Variants in TEKT5 observed in about 807,000 individuals in gnomAD.
TEKT5 encodes tektin 5, also known as tektin-5.
In TEKT5, 52 loss-of-function variants were observed where a neutral mutation model predicts 48.7. That is an observed-to-expected ratio of 1.07 (90% CI 0.86 to 1.35). The LOEUF is 1.35. TEKT5 is among the 40% of genes most tolerant of loss of function. TEKT5 has a pLI of 0.00. For synonymous variants in TEKT5, 318 were observed against 267.6 expected (o/e 1.19, Z -1.84); for missense variants, 831 against 641.6 (o/e 1.30, Z -3.19).
intron 5 of TEKT5, among the ~76,000 whole-genome samples, chr16:10,642,860 A>G (rs1328923998): frequency 6.6e-6 from 1 of 152,124 alleles, no homozygotes; most frequent in African/African-American, 2.4e-5. Context: ...GGGGATAGAG[A>G]GTGAGTTCTT....
intron 5 of TEKT5, among the ~76,000 whole-genome samples, chr16:10,639,220 C>A (rs1171483541): frequency 2.6e-5 from 4 of 152,104 alleles, no homozygotes; most frequent in Admixed American, 2.6e-4. Context: ...GGATGGAGAA[C>A]TGTTTGAGCC....
chr16:10,677,517 G>A (rs1426341909), intron 4 of TEKT5, among the ~76,000 whole-genome samples: 1 of 146,678 alleles, frequency 6.8e-6, no homozygotes, highest in African/African-American at 2.7e-5. Flanking sequence ...GGCTGAGGCA[G>A]GAGAATCACT....
chr16:10,689,167 G>A, intron 3 of TEKT5, 86 bp downstream of exon 3: 1 of 1,037,508 alleles, frequency 9.6e-7, no homozygotes, highest in Non-Finnish European at 1.4e-6. Flanking sequence ...AGAGACAAGT[G>A]GGCCCATCTG....
intron 5 of TEKT5, among the ~76,000 whole-genome samples, chr16:10,645,305 T>A (rs1253075646): frequency 6.6e-6 from 1 of 151,434 alleles, no homozygotes; most frequent in Non-Finnish European, 1.5e-5. Context: ...AGCCCAGGAG[T>A]TCGAGACCAG....
chr16:10,636,213 A>G (rs1567224390), intron 5 of TEKT5, among the ~76,000 whole-genome samples: 1 of 152,032 alleles, frequency 6.6e-6, no homozygotes. Context: ...CGTCTCTACT[A>G]AAAAAACAAA....
intron 5 of TEKT5, among the ~76,000 whole-genome samples, chr16:10,674,998 C>G (rs7184494): frequency 0.45 from 68,382 of 151,608 alleles, 17,526 homozygotes; most frequent in East Asian, 0.81. Context: ...CTAATTTTTT[C>G]TATTTTTAGT....
chr16:10,634,040 G>A (rs374194810), intron 6 of TEKT5, among the ~76,000 whole-genome samples: 1 of 152,138 alleles, frequency 6.6e-6, no homozygotes, highest in Admixed American at 6.5e-5. Context: ...ATCTAGCAGT[G>A]GGGTCTCCAC....
At chr16:10,654,502 T>C (rs1596406930) in intron 5 of TEKT5, among the ~76,000 whole-genome samples, 1 of 152,308 alleles carries the variant, frequency 6.6e-6, no homozygotes, top group East Asian at 1.9e-4. Context: ...ATTGATGAAC[T>C]CTGCGGTCAT....
At chr16:10,658,255 T>G (rs1043040677) in intron 5 of TEKT5, among the ~76,000 whole-genome samples, 1 of 152,150 alleles carries the variant, frequency 6.6e-6, no homozygotes, top group Non-Finnish European at 1.5e-5. Context: ...AGCCAGGGAT[T>G]CCGTTCCTGG....
Position 10,669,402 on chromosome 16 carries a change from T to C in TEKT5, c.1086+6557A>G, listed in dbSNP as rs61609059. On this transcript the variant is annotated intron_variant, in intron 5 of 6. Coordinates refer to ENST00000283025, the MANE Select transcript of TEKT5 (RefSeq NM_144674.2). ...TGAACCTGGCAGGCGGAGGTTGCAG[T>C]GAGCCGAGATCGTGCCACTGCACTC... Among the ~76,000 whole-genome samples, 607 of 152,108 alleles carry C rather than the reference T, an allele frequency of 4.0e-3. 3 individuals are homozygous for C. The highest frequency in any genetic ancestry group is 0.014 in the African/African-American group (574 of 41,498).
chr16:10,662,713 G>T (rs1898394351), intron 5 of TEKT5, among the ~76,000 whole-genome samples: 1 of 152,190 alleles, frequency 6.6e-6, no homozygotes, highest in Non-Finnish European at 1.5e-5. Flanking sequence ...CCAGCCAGTT[G>T]CACCCATGAC....
chr16:10,690,968 G>C (rs1456510534), intron 1 of TEKT5, among the ~76,000 whole-genome samples: 1 of 152,166 alleles, frequency 6.6e-6, no homozygotes, highest in East Asian at 1.9e-4. Context: ...TGAGGTGCTG[G>C]GGATAGCACA....
chr16:10,666,065 T>A (rs1021720617), intron 5 of TEKT5, among the ~76,000 whole-genome samples: 1 of 152,130 alleles, frequency 6.6e-6, no homozygotes, highest in Non-Finnish European at 1.5e-5. Flanking sequence ...TGGTGACACC[T>A]TGTCTCTACT....
At position 10,627,707 on chromosome 16, in the gene TEKT5, A is replaced by G. The variant is rs1342732516; in HGVS notation, c.1334T>C (p.Met445Thr). Residue 445 changes from methionine to threonine, a missense_variant, in exon 7 of 7, where the codon ATG (methionine) becomes ACG (threonine). Coordinates refer to ENST00000283025, the MANE Select transcript of TEKT5 (RefSeq NM_144674.2). ...CTCGTGCTCCAGCCGGCACTTGGTCATGACCAGCAGCTGCAGCGTGTCCTG... is the reference window on the plus strand; with the variant it reads ...CTCGTGCTCCAGCCGGCACTTGGTCGTGACCAGCAGCTGCAGCGTGTCCTG... ...ETQDTLQLLV[M>T]TKCRLEHELA... 6.2e-7 allele frequency: 1 copy of G among 1,613,908 alleles called. No homozygotes were observed. The highest frequency in any genetic ancestry group is 8.5e-7 in the Non-Finnish European group (1 of 1,179,742).
intron 5 of TEKT5, among the ~76,000 whole-genome samples, chr16:10,648,399 C>G (rs1898102602): frequency 1.3e-5 from 2 of 152,040 alleles, no homozygotes; most frequent in South Asian, 4.2e-4. Flanking sequence ...CTCACTGCAA[C>G]CTCCGCCTCC....
rs539730143 is a variant in TEKT5, at chr16:10,672,731, A to G, written c.1086+3228T>C. On this transcript the variant is annotated intron_variant, in intron 5 of 6. Coordinates refer to ENST00000283025, the MANE Select transcript of TEKT5 (RefSeq NM_144674.2). Reference sequence around the variant, plus strand: ...TGAAAACATATAGGCAAGTAAATCAACTAGTACATTAAGATCACAGCCACT... The same window carrying G: ...TGAAAACATATAGGCAAGTAAATCAGCTAGTACATTAAGATCACAGCCACT... Among the ~76,000 whole-genome samples, 8 of 152,346 alleles carry G rather than the reference A, an allele frequency of 5.3e-5. No individual in the cohort carries two copies. In the South Asian group the frequency reaches 1.7e-3, roughly 32 times the overall value.
Position 10,689,807 on chromosome 16 carries a change from A to G in TEKT5, c.648+135T>C, listed in dbSNP as rs961573481. ...TAAATTGCAAACTAGACCTCCACCCATGCTTCCTGAGCCCTCACTTTCCAC... is the reference window on the plus strand; with the variant it reads ...TAAATTGCAAACTAGACCTCCACCCGTGCTTCCTGAGCCCTCACTTTCCAC... On this transcript the variant is annotated intron_variant, in intron 2 of 6. Coordinates refer to ENST00000283025, the MANE Select transcript of TEKT5 (RefSeq NM_144674.2). 3.7e-6 allele frequency: 3 copies of G among 804,264 alleles called. No homozygotes were observed. In the South Asian group the frequency reaches 5.2e-5, roughly 14 times the overall value. 49.8% of individuals were successfully genotyped at this position (804,264 alleles called of 1,614,324 possible).
chr16:10,636,848 G>A (rs1207820745), intron 5 of TEKT5, among the ~76,000 whole-genome samples: 6 of 145,814 alleles, frequency 4.1e-5, no homozygotes, highest in African/African-American at 5.6e-5. Context: ...AGGGAGTCTC[G>A]CTCTGTCGCC....
At chr16:10,630,141 C>T (rs957023466) in intron 6 of TEKT5, among the ~76,000 whole-genome samples, 3 of 151,970 alleles carry the variant, frequency 2.0e-5, no homozygotes, top group African/African-American at 7.3e-5. Context: ...ACCATGTTGC[C>T]CAGGCTGGTC....
Sources: allele counts gnomAD v4.1 joint callset (sites outside exome capture counted in the v4.1 genomes callset), GRCh38; gene constraint gnomAD v4.1.1; transcripts MANE v1.5; gene names NCBI Gene and HGNC (gene_info 2026-07-23, HGNC 2026-07-21).